Variants in SLC22A25 observed in about 807,000 individuals in gnomAD.
SLC22A25 encodes the protein MGI:2442751, MGI:2385316, MGI:3042283, MGI:3645714, MGI:3605624, MGI:2442750.
In SLC22A25, 44 loss-of-function variants were observed where a neutral mutation model predicts 45.9. The observed-to-expected ratio is 0.96, with a 90% CI of 0.75 to 1.23. SLC22A25 has a LOEUF of 1.23. Ranked by LOEUF, SLC22A25 falls within the 50% of genes most tolerant of loss-of-function variation. The pLI is 0.00. For synonymous variants in SLC22A25, 283 were observed against 238.6 expected, an observed-to-expected ratio of 1.19 and a Z score of -1.72; for missense variants, 800 against 666.4, an observed-to-expected ratio of 1.20 and a Z score of -2.21.
At chr11:63,199,908 G>T (rs920668588) in intron 7 of SLC22A25, among the ~76,000 whole-genome samples, 1 of 151,880 alleles carries the variant, frequency 6.6e-6, no homozygotes, top group Non-Finnish European at 1.5e-5. Context: ...ATGTGCCTGC[G>T]TGCCAGACAC....
chr11:63,217,167 G>A, intron 7 of SLC22A25, 147 bp downstream of exon 7: 1 of 774,342 alleles, frequency 1.3e-6, no homozygotes, highest in Admixed American at 3.4e-5. Context: ...AACCCTTTGT[G>A]TTTTGCTTCT....
intron 9 of SLC22A25, among the ~76,000 whole-genome samples, chr11:63,174,394 A>G (rs1377403845): frequency 3.3e-5 from 5 of 152,188 alleles, no homozygotes; most frequent in Admixed American, 1.3e-4. Context: ...CACATAGATC[A>G]GATAAGAACC....
chr11:63,180,025 G>A (rs111498943), intron 9 of SLC22A25, among the ~76,000 whole-genome samples: 5,116 of 152,212 alleles, frequency 0.034, 116 homozygotes, highest in Non-Finnish European at 0.056. Flanking sequence ...AACAACTTTG[G>A]GAAGGGGTTG....
chr11:63,236,663 C>T (rs1231269292), intron 3 of SLC22A25, among the ~76,000 whole-genome samples: 2 of 152,002 alleles, frequency 1.3e-5, no homozygotes, highest in Admixed American at 6.5e-5. Context: ...CACCCACTGT[C>T]CCGCACCCAC....
chr11:63,177,070 C>T (rs2088115083), intron 9 of SLC22A25, among the ~76,000 whole-genome samples: 1 of 151,980 alleles, frequency 6.6e-6, no homozygotes, highest in Non-Finnish European at 1.5e-5. Context: ...ATCATACTTT[C>T]TGTTGGCCTG....
intron 9 of SLC22A25, chr11:63,168,061 C>T (rs2087747061): frequency 4.6e-6 from 1 of 216,352 alleles, no homozygotes; most frequent in Non-Finnish European, 9.6e-6. Context: ...TCCAGCAGAC[C>T]TGCAGAAGAG....
chr11:63,193,225 C>A (rs1054572233), intron 7 of SLC22A25, among the ~76,000 whole-genome samples: 1 of 151,658 alleles, frequency 6.6e-6, no homozygotes, highest in South Asian at 2.1e-4. Context: ...CACCTCCCAG[C>A]ATGAGTGATG....
intron 7 of SLC22A25, among the ~76,000 whole-genome samples, chr11:63,189,216 A>C (rs1565084416): frequency 6.6e-6 from 1 of 152,140 alleles, no homozygotes; most frequent in Non-Finnish European, 1.5e-5. Flanking sequence ...TAGTTTTATG[A>C]ATCTGGGTAC....
intron 5 of SLC22A25, among the ~76,000 whole-genome samples, chr11:63,226,115 T>C (rs569179731): frequency 2.0e-5 from 3 of 152,304 alleles, no homozygotes; most frequent in Admixed American, 2.0e-4. Context: ...AAAGGTCACA[T>C]ATCTGTCTCT....
intron 9 of SLC22A25, among the ~76,000 whole-genome samples, chr11:63,175,476 G>T (rs1354132792): frequency 6.6e-6 from 1 of 152,036 alleles, no homozygotes; most frequent in Non-Finnish European, 1.5e-5. Flanking sequence ...GTAGTGAGTT[G>T]TAGGTTTTCC....
chr11:63,166,382 G>A, intron 9 of SLC22A25, 124 bp from the exon 10 acceptor site: 1 of 1,454,584 alleles, frequency 6.9e-7, no homozygotes, highest in Non-Finnish European at 9.1e-7. Flanking sequence ...GTGTTTTGTG[G>A]AATATTTTCT....
At position 63,229,579 on chromosome 11, in the gene SLC22A25, A is replaced by G; in HGVS notation, c.74T>C (p.Ile25Thr). The G allele has an allele frequency of 6.2e-7, 1 of 1,614,012 alleles. No individual in the cohort carries two copies. ...ATGGTATACTATGACGTTGAACATT[A>G]TAAGGAAAACCATCTGAAGGATCTG... ...RFQILQMVFL[I>T]MFNVIVYHQT... Residue 25 changes from isoleucine to threonine, a missense_variant, in exon 4 of 12, where the codon ATA (isoleucine) becomes ACA (threonine). Physicochemically the swap from Ile to Thr is moderately conservative, Grantham distance 89. Coordinates refer to ENST00000306494, the MANE Select transcript of SLC22A25 (RefSeq NM_199352.6).
chr11:63,229,747 T>C lies in SLC22A25; in HGVS notation c.-95A>G. 1 of 1,300,122 alleles carries C rather than the reference T, an allele frequency of 7.7e-7. No homozygotes were observed. The allele number at this position is 1,300,122 out of a possible 1,614,324, so 80.5% of individuals were successfully genotyped here. ...TTTCCTTTCCTTAAATCACACTAAG[T>C]GTGTGTGTTGATCCTGACCCCACTC... On this transcript the variant is annotated 5_prime_UTR_variant, in exon 4 of 12. Coordinates refer to ENST00000306494, the MANE Select transcript of SLC22A25 (RefSeq NM_199352.6).
chr11:63,221,896 C>T (rs2089861042), intron 5 of SLC22A25, among the ~76,000 whole-genome samples: 1 of 152,018 alleles, frequency 6.6e-6, no homozygotes, highest in Non-Finnish European at 1.5e-5. Context: ...GTCCTTTTCC[C>T]CAATGTATGT....
At chr11:63,170,200 C>A (rs186820230) in intron 9 of SLC22A25, among the ~76,000 whole-genome samples, 7 of 152,238 alleles carry the variant, frequency 4.6e-5, no homozygotes, top group African/African-American at 1.4e-4. Context: ...TAAGTGCCCA[C>A]ATCAGAAAGC....
rs1344007875 is a variant in SLC22A25, at chr11:63,217,500, C to G, written c.662-18G>C. The G allele has an allele frequency of 2.5e-6, 4 of 1,612,226 alleles. No homozygotes were observed. The highest frequency in any genetic ancestry group is 3.4e-6 in the Non-Finnish European group (4 of 1,178,722). On this transcript the variant is annotated intron_variant, in intron 6 of 11. Transcript: ENST00000306494. ...CTCTACAACTGAAAGAAAACACAAA[C>G]AAGATTTAGCTTTAAATACAGGTGG...
chr11:63,194,889 G>GAAAAAAAAAAA (rs1565091135), intron 7 of SLC22A25, among the ~76,000 whole-genome samples: 1 of 14,314 alleles, frequency 7.0e-5, no homozygotes, highest in Non-Finnish European at 1.4e-4. Flanking sequence ...CAAATGGAAA[G>GAAAAAAAAAAA]CAAAAAAAAA....
At position 63,202,567 on chromosome 11, in the gene SLC22A25, C is replaced by T. The variant is rs139089661; in HGVS notation, c.830+14747G>A. On this transcript the variant is annotated intron_variant, in intron 7 of 11. Transcript: ENST00000306494. ...TTGAATTGGGCGGAGCCCACCACGG[C>T]TCAGTGCCTAAGCTGCTGTAGCCAG... 5.5e-3 allele frequency among the ~76,000 whole-genome samples: 831 copies of T among 152,336 alleles called. 6 individuals carry two copies. Among genetic ancestry groups the T allele is most frequent in the African/African-American group, 0.019 (805 of 41,580 alleles).
At position 63,229,252 on chromosome 11, in the gene SLC22A25, T is replaced by C. The variant is rs772143274; in HGVS notation, c.401A>G (p.Lys134Arg). 59 of 1,523,268 alleles carry C rather than the reference T, an allele frequency of 3.9e-5. No homozygotes were observed. The highest frequency in any genetic ancestry group is 5.0e-5 in the Non-Finnish European group (57 of 1,133,576). 94.4% of individuals were successfully genotyped at this position (1,523,268 alleles called of 1,614,324 possible). A position where few individuals can be genotyped will look rare whatever the true frequency, so the allele number is the denominator to read the frequency against. Reference protein sequence around the residue: ...QSSFPSTIVTKWDLVCESQPL... With the variant: ...QSSFPSTIVTRWDLVCESQPL... Reference sequence around the variant, plus strand: ...AGAGAGGAAAATGAGGCCTCTTACCTTAGTCACAATGGTGGAAGGGAAGGA... The same window carrying C: ...AGAGAGGAAAATGAGGCCTCTTACCCTAGTCACAATGGTGGAAGGGAAGGA... The change falls in exon 4 of 12, where the codon AAG (lysine) becomes AGG (arginine). Residue 134 changes from lysine (K) to arginine (R), a missense_variant and splice_region_variant. By Grantham distance (26) the Lys-to-Arg change is conservative. Coordinates refer to ENST00000306494, the MANE Select transcript of SLC22A25 (RefSeq NM_199352.6).
Sources: gnomAD v4.1 joint callset for allele counts (sites outside exome capture counted in the v4.1 genomes callset) on GRCh38, gnomAD v4.1.1 for gene constraint, MANE v1.5 for transcripts, NCBI Gene and HGNC (gene_info 2026-07-23, HGNC 2026-07-21) for gene names.